The following ADARB2 variants were observed in gnomAD, a reference collection of about 807,000 sequenced individuals.
ADARB2 encodes the protein inactive double-stranded RNA-specific editase B2.
A neutral mutation model predicts 62.2 loss-of-function variants in ADARB2; 25 were observed. The ratio of observed to expected loss-of-function variants is 0.40; its 90% CI spans 0.29 to 0.56. The LOEUF is 0.56. Among genes scored for constraint, ADARB2 ranks in the 20% least tolerant of loss-of-function variants. The pLI, the probability that ADARB2 is intolerant of heterozygous loss-of-function variation, is 0.43. For missense variants in ADARB2, 1,071 were observed against 1,077.4 expected (o/e 0.99, Z 0.08); for synonymous variants, 572 against 500.8 (o/e 1.14, Z -1.90).
intron 1 of ADARB2, among the ~76,000 whole-genome samples, chr10:1,418,923 C>T (rs1426645084): frequency 1.3e-5 from 2 of 152,140 alleles, no homozygotes; most frequent in East Asian, 1.9e-4. Flanking sequence ...GTGTGTCCTG[C>T]GCCCCTTTGG....
At chr10:1,475,219 G>C (rs1303517239) in intron 1 of ADARB2, among the ~76,000 whole-genome samples, 1 of 152,230 alleles carries the variant, frequency 6.6e-6, no homozygotes, top group Non-Finnish European at 1.5e-5. Context: ...GCCAGAGGCA[G>C]GTCTCCCGCT....
At chr10:1,698,050 C>T (rs1834769761) in intron 1 of ADARB2, among the ~76,000 whole-genome samples, 1 of 152,178 alleles carries the variant, frequency 6.6e-6, no homozygotes, top group Non-Finnish European at 1.5e-5. Context: ...TGATGGGTTT[C>T]CAATGGTTAC....
chr10:1,475,879 G>A (rs1415098893), intron 1 of ADARB2, among the ~76,000 whole-genome samples: 1 of 152,192 alleles, frequency 6.6e-6, no homozygotes, highest in Non-Finnish European at 1.5e-5. Context: ...GTAATTGTGT[G>A]AATTTTCTAG....
At chr10:1,715,679 A>G (rs368257435) in intron 1 of ADARB2, among the ~76,000 whole-genome samples, 37 of 152,324 alleles carry the variant, frequency 2.4e-4, no homozygotes, top group South Asian at 1.9e-3. Flanking sequence ...AACTAAACCC[A>G]TTAATTTTAT....
At chr10:1,678,314 C>T (rs1186494732) in intron 1 of ADARB2, 30 of 984,416 alleles carry the variant, frequency 3.0e-5, no homozygotes, top group African/African-American at 3.5e-5. Flanking sequence ...TCAGGGTGAG[C>T]GTCTTCAGGG....
At chr10:1,392,113 T>A (rs1832576008) in intron 1 of ADARB2, among the ~76,000 whole-genome samples, 1 of 152,194 alleles carries the variant, frequency 6.6e-6, no homozygotes, top group South Asian at 2.1e-4. Context: ...AAATATTTCA[T>A]AGGATAGGCT....
At chr10:1,731,237 G>A (rs1294760869) in intron 1 of ADARB2, among the ~76,000 whole-genome samples, 1 of 152,196 alleles carries the variant, frequency 6.6e-6, no homozygotes, top group Non-Finnish European at 1.5e-5. Context: ...GGGCCTACGA[G>A]CCCTGTTTGC....
chr10:1,243,781 C>T (rs1026629461), intron 4 of ADARB2, among the ~76,000 whole-genome samples: 2 of 152,322 alleles, frequency 1.3e-5, no homozygotes, highest in South Asian at 2.1e-4. Flanking sequence ...TCTAGCACAG[C>T]CCCCGCCTCC....
At chr10:1,364,240 G>A (rs756083601) in intron 2 of ADARB2, among the ~76,000 whole-genome samples, 1 of 152,214 alleles carries the variant, frequency 6.6e-6, no homozygotes, top group Non-Finnish European at 1.5e-5. Flanking sequence ...CAATGTCAAA[G>A]GTCAGAGAGG....
At chr10:1,667,691 C>A (rs1312167085) in intron 1 of ADARB2, among the ~76,000 whole-genome samples, 1 of 151,898 alleles carries the variant, frequency 6.6e-6, no homozygotes, top group Non-Finnish European at 1.5e-5. Flanking sequence ...TGTTGCAAAC[C>A]CCTAGATAAA....
intron 1 of ADARB2, among the ~76,000 whole-genome samples, chr10:1,436,103 G>A (rs539431747): frequency 6.6e-6 from 1 of 152,136 alleles, no homozygotes; most frequent in Non-Finnish European, 1.5e-5. Context: ...AATGGAAGTG[G>A]CTCTTGCGAG....
intron 1 of ADARB2, among the ~76,000 whole-genome samples, chr10:1,654,607 C>T (rs912350607): frequency 9.9e-5 from 15 of 152,256 alleles, no homozygotes; most frequent in Admixed American, 9.8e-4. Context: ...GCCCACCTAC[C>T]CCTCTAGACA....
At chr10:1,250,865 A>C (rs754177897) in intron 4 of ADARB2, among the ~76,000 whole-genome samples, 3 of 152,200 alleles carry the variant, frequency 2.0e-5, no homozygotes, top group Non-Finnish European at 4.4e-5. Flanking sequence ...GCTCCATGCC[A>C]GGTCACTGTG....
At chr10:1,715,023 C>A (rs1018979071) in intron 1 of ADARB2, among the ~76,000 whole-genome samples, 1 of 130,666 alleles carries the variant, frequency 7.7e-6, no homozygotes. Flanking sequence ...CCACAACAGT[C>A]CCCGGTGTGT....
At position 1,680,560 on chromosome 10, in the gene ADARB2, G is replaced by A. The variant is rs918085825; in HGVS notation, c.100+56491C>T. On this transcript the variant is annotated intron_variant, in intron 1 of 9. Coordinates refer to ENST00000381312, the MANE Select transcript of ADARB2 (RefSeq NM_018702.4). ...CTTTTGGAAGTGGAGACAGAGCCTA[G>A]GGTATTTTCCCACAGTGTTCTCCAC... 2.6e-5 allele frequency among the ~76,000 whole-genome samples: 4 copies of A among 152,164 alleles called. No homozygotes were observed. The East Asian group carries it at 7.7e-4, about 29-fold the overall frequency.
At chr10:1,512,704 T>C (rs1003339236) in intron 1 of ADARB2, among the ~76,000 whole-genome samples, 3 of 152,242 alleles carry the variant, frequency 2.0e-5, no homozygotes, top group East Asian at 1.9e-4. Context: ...TCAGGGGTCA[T>C]AGCTTCAGCC....
intron 3 of ADARB2, among the ~76,000 whole-genome samples, chr10:1,309,571 C>T (rs1177977848): frequency 3.3e-5 from 5 of 152,206 alleles, no homozygotes; most frequent in Admixed American, 3.3e-4. Flanking sequence ...TGAAATGTGC[C>T]AGGACGGATT....
At chr10:1,343,184 C>G (rs1832046015) in intron 3 of ADARB2, among the ~76,000 whole-genome samples, 1 of 151,978 alleles carries the variant, frequency 6.6e-6, no homozygotes, top group Admixed American at 6.6e-5. Flanking sequence ...TCAAACAACC[C>G]CATAAAAAAG....
rs183439409 is a variant in ADARB2 at position 1,424,425 on chromosome 10, C to G, written c.101-45265G>C. On this transcript the variant is annotated intron_variant, in intron 1 of 9. Coordinates refer to ENST00000381312, the MANE Select transcript of ADARB2 (RefSeq NM_018702.4). ...TCCAAAAACCACGCGAGATGGCATG[C>G]TCTGAGGCCTCTTCCTCGTGTTTAA... Among the ~76,000 whole-genome samples, 11 of 152,190 alleles carry G rather than the reference C, an allele frequency of 7.2e-5. No homozygotes were observed. The East Asian group carries it at 2.1e-3, about 30-fold the overall frequency.
Sources: allele counts gnomAD v4.1 joint callset (sites outside exome capture counted in the v4.1 genomes callset), GRCh38; gene constraint gnomAD v4.1.1; transcripts MANE v1.5; gene names NCBI Gene and HGNC (gene_info 2026-07-23, HGNC 2026-07-21).